The following GRM7 variants were observed in gnomAD, a reference collection of about 807,000 sequenced individuals.
The protein encoded by GRM7 is glutamate metabotropic receptor 7.
Under a neutral mutation model 84.5 loss-of-function variants are expected in GRM7, and 35 were observed. The observed-to-expected ratio is 0.41, with a 90% CI of 0.32 to 0.55. GRM7 has a LOEUF of 0.55. Ranked by LOEUF, GRM7 falls within the 20% of genes least tolerant of loss-of-function variation. GRM7 has a pLI of 0.19. For missense variants in GRM7, 1,003 were observed against 1,194.6 expected, an observed-to-expected ratio of 0.84 and a Z score of 2.36; for synonymous variants, 487 against 455.1, an observed-to-expected ratio of 1.07 and a Z score of -0.89.
chr3:7,692,977 C>CT (rs376324014), intron 9 of GRM7, among the ~76,000 whole-genome samples: 3,737 of 143,440 alleles, frequency 0.026, 77 homozygotes, highest in African/African-American at 0.054. Context: ...TTCTTTCTTT[C>CT]TTTTTTTTTT....
At chr3:7,547,204 T>G (rs77151597) in intron 7 of GRM7, among the ~76,000 whole-genome samples, 38,585 of 100,596 alleles carry the variant, frequency 0.38, 7,040 homozygotes, top group Non-Finnish European at 0.46. Flanking sequence ...CTTTTTTTTT[T>G]TTTTTTTTTT....
At chr3:7,426,182 C>T (rs141489222) in intron 5 of GRM7, among the ~76,000 whole-genome samples, 12 of 151,544 alleles carry the variant, frequency 7.9e-5, no homozygotes, top group African/African-American at 2.7e-4. Flanking sequence ...TGCAATGGTG[C>T]GATCTCGGCT....
intron 7 of GRM7, among the ~76,000 whole-genome samples, chr3:7,464,092 C>G (rs1376910249): frequency 6.6e-6 from 1 of 152,132 alleles, no homozygotes; most frequent in Non-Finnish European, 1.5e-5. Flanking sequence ...ATTACCGGGC[C>G]CTGCTCTCAG....
intron 2 of GRM7, among the ~76,000 whole-genome samples, chr3:7,266,947 T>C (rs886727710): frequency 6.6e-6 from 1 of 152,216 alleles, no homozygotes; most frequent in Non-Finnish European, 1.5e-5. Context: ...GAAGGAGACC[T>C]CTTAGCGTCT....
chr3:6,890,114 C>T (rs1473539678), intron 1 of GRM7, among the ~76,000 whole-genome samples: 1 of 151,768 alleles, frequency 6.6e-6, no homozygotes, highest in Admixed American at 6.6e-5. Flanking sequence ...CTATTTGATT[C>T]TTCTCTCTTT....
chr3:7,153,425 T>A (rs952798281), intron 2 of GRM7, among the ~76,000 whole-genome samples: 1 of 152,116 alleles, frequency 6.6e-6, no homozygotes, highest in African/African-American at 2.4e-5. Flanking sequence ...CCTCTCTCAC[T>A]AGAGAGTAAA....
chr3:7,600,501 A>G (rs777459714), intron 8 of GRM7, among the ~76,000 whole-genome samples: 11 of 152,088 alleles, frequency 7.2e-5, no homozygotes, highest in Non-Finnish European at 1.5e-4. Context: ...GTGCTGTTGA[A>G]CGGGGTATTT....
At chr3:7,417,435 CA>C (rs1476841756) in intron 5 of GRM7, among the ~76,000 whole-genome samples, 1 of 151,786 alleles carries the variant, frequency 6.6e-6, no homozygotes, top group East Asian at 1.9e-4. Flanking sequence ...GATAGTATTC[CA>C]AAAAATACTA....
At chr3:6,907,843 TTTTAAG>T (rs1462063689) in intron 1 of GRM7, among the ~76,000 whole-genome samples, 1 of 152,200 alleles carries the variant, frequency 6.6e-6, no homozygotes, top group Non-Finnish European at 1.5e-5. Flanking sequence ...GCAAGCACAC[TTTTAAG>T]TTTATTTGTA....
intron 7 of GRM7, among the ~76,000 whole-genome samples, chr3:7,515,750 T>C (rs1238596679): frequency 6.6e-6 from 1 of 152,064 alleles, no homozygotes; most frequent in African/African-American, 2.4e-5. Context: ...CGCCATAATC[T>C]CAGGCTGGCT....
chr3:7,516,047 G>A (rs776379268), intron 7 of GRM7, among the ~76,000 whole-genome samples: 1 of 151,384 alleles, frequency 6.6e-6, no homozygotes. Flanking sequence ...CATGCCTGTG[G>A]TCTCAACTAC....
At chr3:7,035,860 C>G (rs1696369076) in intron 1 of GRM7, among the ~76,000 whole-genome samples, 1 of 152,208 alleles carries the variant, frequency 6.6e-6, no homozygotes, top group African/African-American at 2.4e-5. Context: ...TTAGCACAGC[C>G]AAGACACAAA....
chr3:7,382,533 C>G (rs1694630516), intron 4 of GRM7, among the ~76,000 whole-genome samples: 1 of 152,284 alleles, frequency 6.6e-6, no homozygotes, highest in East Asian at 1.9e-4. Context: ...AATGTAAACT[C>G]TGCAAGGCAT....
intron 4 of GRM7, among the ~76,000 whole-genome samples, chr3:7,353,357 A>T (rs1575208400): frequency 6.6e-6 from 1 of 152,106 alleles, no homozygotes; most frequent in Admixed American, 6.6e-5. Context: ...TAGTGGAAGG[A>T]ACAAAAGTTG....
At chr3:7,501,368 C>A (rs1205935450) in intron 7 of GRM7, among the ~76,000 whole-genome samples, 1 of 152,142 alleles carries the variant, frequency 6.6e-6, no homozygotes, top group East Asian at 1.9e-4. Context: ...ACACTTGCAG[C>A]TTCTGCTTTT....
intron 7 of GRM7, among the ~76,000 whole-genome samples, chr3:7,543,078 A>G (rs1013694575): frequency 6.6e-6 from 1 of 152,274 alleles, no homozygotes; most frequent in Admixed American, 6.5e-5. Context: ...GAATGAACAA[A>G]TGAATGAATG....
chr3:7,715,507 T>A (rs745584452), intron 9 of GRM7, among the ~76,000 whole-genome samples: 6 of 152,156 alleles, frequency 3.9e-5, no homozygotes, highest in Non-Finnish European at 7.3e-5. Context: ...GTAACATATA[T>A]TTACTAAGGA....
At chr3:6,974,182 G>C (rs148618174) in intron 1 of GRM7, among the ~76,000 whole-genome samples, 10 of 152,320 alleles carry the variant, frequency 6.6e-5, no homozygotes, top group African/African-American at 2.4e-4. Context: ...CTGAACAACA[G>C]AGAGAAAGCC....
intron 1 of GRM7, among the ~76,000 whole-genome samples, chr3:7,137,116 C>T (rs953951804): frequency 6.6e-6 from 1 of 152,010 alleles, no homozygotes; most frequent in Non-Finnish European, 1.5e-5. Context: ...CACCACAATA[C>T]ATTTTATTGA....
Sources: gnomAD v4.1 joint callset for allele counts (sites outside exome capture counted in the v4.1 genomes callset) on GRCh38, gnomAD v4.1.1 for gene constraint, MANE v1.5 for transcripts, NCBI Gene and HGNC (gene_info 2026-07-23, HGNC 2026-07-21) for gene names.